Variants in GNB4 observed in about 807,000 individuals in gnomAD.
GNB4 encodes guanine nucleotide-binding protein subunit beta-4.
A neutral mutation model predicts 45.2 loss-of-function variants in GNB4; 28 were observed. The ratio of observed to expected loss-of-function variants is 0.62; its 90% confidence interval spans 0.46 to 0.85. GNB4 has a LOEUF of 0.85. GNB4 is among the 40% of genes least tolerant of loss of function. GNB4 has a pLI of 0.00. For missense variants in GNB4, 321 were observed against 425.4 expected, an observed-to-expected ratio of 0.75 and a Z score of 2.16; for synonymous variants, 132 against 143.7, an observed-to-expected ratio of 0.92 and a Z score of 0.58.
intron 1 of GNB4, among the ~76,000 whole-genome samples, chr3:179,434,014 A>C (rs1028209291): frequency 4.6e-5 from 7 of 152,236 alleles, no homozygotes; most frequent in African/African-American, 1.4e-4. Flanking sequence ...AAGTTGTAGA[A>C]ATGGGACATA....
the GNB4 span, among the ~76,000 whole-genome samples, chr3:179,503,743 G>A: frequency 6.6e-6 from 1 of 152,184 alleles, no homozygotes; most frequent in African/African-American, 2.4e-5. Flanking sequence ...CCTTCATGGT[G>A]GGTTGGCTTA....
intron 1 of GNB4, among the ~76,000 whole-genome samples, chr3:179,432,412 T>A (rs1380608716): frequency 6.6e-6 from 1 of 152,210 alleles, no homozygotes; most frequent in Admixed American, 6.5e-5. Flanking sequence ...TTTTGGGTGA[T>A]CTTTTCTTCT....
chr3:179,525,194 C>T, the GNB4 span, among the ~76,000 whole-genome samples: 1 of 152,060 alleles, frequency 6.6e-6, no homozygotes, highest in Admixed American at 6.6e-5. Context: ...ACCCATTCGC[C>T]CATTTTTTGA....
chr3:179,412,479 AAAT>A lies in GNB4; in HGVS notation c.699+930_699+932del, dbSNP rs759657774. Among the ~76,000 whole-genome samples the A allele has an allele frequency of 5.3e-5, 8 of 152,024 alleles. No individual in the cohort carries two copies. In the South Asian group the frequency reaches 1.0e-3, roughly 20 times the overall value. On this transcript the variant is annotated intron_variant, in intron 8 of 9. Transcript: ENST00000232564. ...GGCAACGGAATGAGACCCTGTCTCTAAATAATAATAATAATAATTTATACCATT... is the reference window on the plus strand; with the variant it reads ...GGCAACGGAATGAGACCCTGTCTCTAAATAATAATAATAATTTATACCATT...
intron 1 of GNB4, among the ~76,000 whole-genome samples, chr3:179,433,512 G>A (rs576800669): frequency 6.6e-6 from 1 of 152,082 alleles, no homozygotes; most frequent in Non-Finnish European, 1.5e-5. Context: ...AGGCTGAGTG[G>A]GGGGATCGCT....
chr3:179,431,547 G>T (rs1715309127), intron 1 of GNB4, among the ~76,000 whole-genome samples: 1 of 122,134 alleles, frequency 8.2e-6, no homozygotes, highest in African/African-American at 3.1e-5. Flanking sequence ...TGAAGAGTGA[G>T]ACTCTGTCTC....
chr3:179,425,751 A>G (rs566846812), intron 2 of GNB4, among the ~76,000 whole-genome samples: 38 of 152,316 alleles, frequency 2.5e-4, no homozygotes, highest in East Asian at 1.2e-3. Flanking sequence ...GATTACAGGC[A>G]TGAGCCACTG....
chr3:179,417,838 A>G (rs945395509), intron 4 of GNB4, among the ~76,000 whole-genome samples: 6 of 152,256 alleles, frequency 3.9e-5, no homozygotes, highest in Admixed American at 2.6e-4. Context: ...ATTCTTGGGT[A>G]GCAATCACTA....
chr3:179,417,911 T>G (rs1031721619), intron 4 of GNB4, among the ~76,000 whole-genome samples: 5 of 151,942 alleles, frequency 3.3e-5, no homozygotes, highest in African/African-American at 1.2e-4. Flanking sequence ...CTAAAGAAAA[T>G]TCTTTAGAAA....
chr3:179,484,902 T>C, the GNB4 span, among the ~76,000 whole-genome samples: 1 of 151,726 alleles, frequency 6.6e-6, no homozygotes, highest in Non-Finnish European at 1.5e-5. Flanking sequence ...AGGTTATGTG[T>C]TGATCAGTTG....
In GNB4 at chr3:179,401,208, C is replaced by A; in HGVS notation, c.*5G>T. On this transcript the variant is annotated 3_prime_UTR_variant, in exon 10 of 10. Transcript: ENST00000232564. Reference sequence around the variant, plus strand: ...ATCAATGGAGAACAAATATGTATGACACTGTTAATTCCAGATTCTAAGAAA... The same window carrying A: ...ATCAATGGAGAACAAATATGTATGAAACTGTTAATTCCAGATTCTAAGAAA... 1 of 1,593,894 alleles carries A rather than the reference C, an allele frequency of 6.3e-7. No individual in the cohort carries two copies. Among genetic ancestry groups the A allele is most frequent in the Non-Finnish European group, 8.6e-7 (1 of 1,162,520 alleles).
Position 179,405,325 on chromosome 3 carries a change from A to T in GNB4, c.781T>A (p.Leu261Ile). Residue 261 changes from leucine to isoleucine, a missense_variant, in exon 9 of 10, where the codon TTA becomes ATA. Physicochemically the swap from Leu to Ile is conservative, Grantham distance 5. Transcript: ENST00000232564. The part of the protein sequence containing the change: ...RLFDLRADQE[L>I]LLYSHDNIIC... The stretch of plus-strand genomic sequence containing the variant: ...ATATTGTCATGAGAATACAATAATA[A>T]CTCTTGATCTGCACGAAGGTCAAAG... 1 of 1,614,118 alleles carries T rather than the reference A, an allele frequency of 6.2e-7. No homozygotes were observed. The highest frequency in any genetic ancestry group is 2.2e-5 in the East Asian group (1 of 44,890).
the GNB4 span, among the ~76,000 whole-genome samples, chr3:179,466,314 C>T: frequency 6.6e-6 from 1 of 152,024 alleles, no homozygotes; most frequent in South Asian, 2.1e-4. Context: ...CCTGGCCAGT[C>T]CTACAGTCTT....
intron 1 of GNB4, among the ~76,000 whole-genome samples, chr3:179,431,262 A>G (rs1715300184): frequency 2.6e-5 from 4 of 152,046 alleles, no homozygotes; most frequent in Admixed American, 2.6e-4. Flanking sequence ...CTTATTAGAG[A>G]AACTAAATCA....
At chr3:179,490,220 T>C in the GNB4 span, among the ~76,000 whole-genome samples, 1 of 152,228 alleles carries the variant, frequency 6.6e-6, no homozygotes, top group Non-Finnish European at 1.5e-5. Flanking sequence ...ATGACTTTCA[T>C]ATTTTTTCCC....
chr3:179,467,882 C>A, the GNB4 span, among the ~76,000 whole-genome samples: 1 of 151,522 alleles, frequency 6.6e-6, no homozygotes, highest in African/African-American at 2.4e-5. Flanking sequence ...GTGATATTAC[C>A]TCTGTCGAAC....
At chr3:179,452,840 G>A (rs1715918807), upstream of GNB4, among the ~76,000 whole-genome samples, 2 of 152,168 alleles carry the variant, frequency 1.3e-5, no homozygotes, top group Non-Finnish European at 1.5e-5. Flanking sequence ...GTTGGGACAT[G>A]AGTGTTTTGC....
the GNB4 span, among the ~76,000 whole-genome samples, chr3:179,470,755 G>T: frequency 1.3e-5 from 2 of 151,896 alleles, no homozygotes; most frequent in African/African-American, 4.8e-5. Context: ...GTGTTAGCCA[G>T]GATGGTCTCG....
intron 9 of GNB4, among the ~76,000 whole-genome samples, chr3:179,401,725 AAGG>A (rs1431703181): frequency 1.3e-5 from 2 of 152,230 alleles, no homozygotes; most frequent in East Asian, 3.8e-4. Flanking sequence ...AAGTTCACTG[AAGG>A]AGCCCTTCAC....
Sources: gnomAD v4.1 joint callset for allele counts (sites outside exome capture counted in the v4.1 genomes callset) on GRCh38, gnomAD v4.1.1 for gene constraint, MANE v1.5 for transcripts, NCBI Gene and HGNC (gene_info 2026-07-23, HGNC 2026-07-21) for gene names.